The following LMTK3 variants were observed in gnomAD, a reference collection of about 807,000 sequenced individuals.
The protein encoded by LMTK3 is lemur tail kinase 3.
Under a neutral mutation model 116.7 loss-of-function variants are expected in LMTK3, and 27 were observed. The ratio of observed to expected loss-of-function variants is 0.23; its 90% CI spans 0.17 to 0.32. LMTK3 has a LOEUF of 0.32. LMTK3 is among the 10% of genes least tolerant of loss of function. The pLI is 1.00. For missense variants in LMTK3, 1,764 were observed against 2,068.5 expected (o/e 0.85, Z 2.86); for synonymous variants, 965 against 971.0 (o/e 0.99, Z 0.11).
intron 14 of LMTK3, among the ~76,000 whole-genome samples, chr19:48,490,542 A>AG: frequency 6.6e-6 from 1 of 151,870 alleles, no homozygotes; most frequent in East Asian, 1.9e-4. Context: ...AAAAAAAAAA[A>AG]AAAAAAATGA....
Position 48,486,128 on chromosome 19 carries a change from C to T in LMTK3, c.4367-339G>A, listed in dbSNP as rs12462735. Among the ~76,000 whole-genome samples the T allele has an allele frequency of 0.014, 1,838 of 129,518 alleles. 33 individuals carry two copies. In the Middle Eastern group the frequency reaches 0.16, roughly 11 times the overall value. 85.0% of individuals were successfully genotyped at this position (129,518 alleles called of 152,430 possible). A position where few individuals can be genotyped will look rare whatever the true frequency, so the allele number is the denominator to read the frequency against. ...AGGCTGGAGTGCAGTGGCGCGATCT[C>T]GGCTCACTGCAAGCTCCGCCTCCCG... On this transcript the variant is annotated intron_variant, in intron 14 of 14. Coordinates refer to ENST00000600059, the MANE Select transcript of LMTK3 (RefSeq NM_001388485.1).
At chr19:48,504,214 T>A (rs1231281788) in intron 5 of LMTK3, among the ~76,000 whole-genome samples, 1 of 152,006 alleles carries the variant, frequency 6.6e-6, no homozygotes, top group Non-Finnish European at 1.5e-5. Context: ...CTCATCAGAG[T>A]TCTCTTGGCC....
chr19:48,491,046 G>C lies in LMTK3; in HGVS notation c.4366+62C>G. 9.1e-7 allele frequency: 1 copy of C among 1,103,708 alleles called. No homozygotes were observed. Among genetic ancestry groups the C allele is most frequent in the Non-Finnish European group, 1.2e-6 (1 of 852,890 alleles). 68.4% of individuals were successfully genotyped at this position (1,103,708 alleles called of 1,614,324 possible). On this transcript the variant is annotated intron_variant, in intron 14 of 14. Coordinates refer to ENST00000600059, the MANE Select transcript of LMTK3 (RefSeq NM_001388485.1). This position sits in a 1 kb window ranked among gnomAD's most constrained non-coding sequence, Gnocchi z 5.1. ...CATTGAAAGATGGTCACAAGAAGTT[G>C]GCAGTGGAACATAGGGGGACAGAGA... is the stretch of plus-strand genomic sequence containing the variant.
chr19:48,501,698 C>T lies in LMTK3; in HGVS notation c.795-136G>A, dbSNP rs184723513. 103 of 878,112 alleles carry T rather than the reference C, an allele frequency of 1.2e-4. No individual in the cohort carries two copies. The East Asian group carries it at 2.7e-3, about 23-fold the overall frequency. The allele number at this position is 878,112 out of a possible 1,614,324, so 54.4% of individuals were successfully genotyped here. On this transcript the variant is annotated intron_variant, in intron 7 of 14. Coordinates refer to ENST00000600059, the MANE Select transcript of LMTK3 (RefSeq NM_001388485.1). ...ACTCTGCCCCTTCCCTCTGATCTGT[C>T]TCTCCCCTCTGACTGCTTTCACTCT... is the stretch of plus-strand genomic sequence containing the variant.
upstream of LMTK3, chr19:48,513,248 G>T (rs1972690877): frequency 3.9e-6 from 5 of 1,295,478 alleles, no homozygotes. This position sits in a 1 kb window ranked among gnomAD's most constrained non-coding sequence, Gnocchi z 5.6. Flanking sequence ...TATTTAGTCT[G>T]TGCCAGGTAT....
intron 7 of LMTK3, 107 bp downstream of exon 7, chr19:48,502,326 G>T (rs1972485309): frequency 4.5e-6 from 6 of 1,335,512 alleles, no homozygotes; most frequent in Non-Finnish European, 6.1e-6. Flanking sequence ...TCCCTATTTT[G>T]TGTCAGCCAG....
At chr19:48,493,567 T>C (rs1158920265) in intron 12 of LMTK3, 127 bp downstream of exon 12, 15 of 473,570 alleles carry the variant, frequency 3.2e-5, no homozygotes, top group South Asian at 2.2e-4. Context: ...CCCGCCCCAC[T>C]CCAGCTCCGC....
rs1466496361 is a variant in LMTK3, at chr19:48,491,349, GCCCCGTCCGCCCCATGGCTCCCGC to G, written c.4228+31_4228+54del. On this transcript the variant is annotated intron_variant, in intron 13 of 14. Coordinates refer to ENST00000600059, the MANE Select transcript of LMTK3 (RefSeq NM_001388485.1). This position sits in a 1 kb window ranked among gnomAD's most constrained non-coding sequence, Gnocchi z 5.1. The stretch of plus-strand genomic sequence containing the variant: ...AAGCCCCTCCCACCCCATAGACCCC[GCCCCGTCCGCCCCATGGCTCCCGC>G]CCCCTCCCGCCCCATAGGGCCCGTC... The G allele has an allele frequency of 3.2e-6, 1 of 316,896 alleles. No homozygotes were observed. The allele number at this position is 316,896 out of a possible 1,614,324, so 19.6% of individuals were successfully genotyped here.
chr19:48,493,645 G>A, intron 12 of LMTK3, 49 bp downstream of exon 12: 1 of 1,513,464 alleles, frequency 6.6e-7, no homozygotes, highest in Non-Finnish European at 8.9e-7. Flanking sequence ...CTAGGCTCCT[G>A]CTCCCTCCAG....
Position 48,497,596 on chromosome 19 carries a change from G to C in LMTK3, c.3473C>G (p.Pro1158Arg), listed in dbSNP as rs755504151. ...CGGGGGCGCTGGCTCCAGCCTCCTC[G>C]GCTGTGCCTCCGGTGGCGGTGGCAG... ...PPLPPPPEAQ[P>R]RRLEPAPPRA... Residue 1158 changes from proline to arginine, a missense_variant, in exon 11 of 15, where the codon CCG (proline) becomes CGG (arginine). By Grantham distance (103) the Pro-to-Arg change is moderately radical. Coordinates refer to ENST00000600059, the MANE Select transcript of LMTK3 (RefSeq NM_001388485.1). This position sits in a 1 kb window ranked among gnomAD's most constrained non-coding sequence, Gnocchi z 5.7. 54 of 1,320,928 alleles carry C rather than the reference G, an allele frequency of 4.1e-5. No homozygotes were observed. The highest frequency in any genetic ancestry group is 5.0e-5 in the Non-Finnish European group (52 of 1,036,076). The allele number at this position is 1,320,928 out of a possible 1,614,324, so 81.8% of individuals were successfully genotyped here.
chr19:48,506,019 G>A (rs946623996), intron 5 of LMTK3, among the ~76,000 whole-genome samples: 5 of 151,892 alleles, frequency 3.3e-5, no homozygotes, highest in African/African-American at 1.2e-4. Flanking sequence ...GTGGGCGCCT[G>A]TAATCGCAGC....
chr19:48,499,038 G>C lies in LMTK3; in HGVS notation c.2031C>G (p.Ala677=), dbSNP rs1233846926. 3 of 1,494,016 alleles carry C rather than the reference G, an allele frequency of 2.0e-6. No individual in the cohort carries two copies. The highest frequency in any genetic ancestry group is 2.7e-6 in the Non-Finnish European group (3 of 1,123,268). 92.5% of individuals were successfully genotyped at this position (1,494,016 alleles called of 1,614,324 possible). The change falls in exon 11 of 15, where the codon GCC becomes GCG. Residue 677 remains alanine (A), a synonymous_variant. Transcript: ENST00000600059. ...CCCGCTCCAGTGGCAGGCAGGAGCA[G>C]GCCCCCTCGCGGCTGCACAGGGGAC... The part of the protein sequence containing the change: ...LPCPLCSREG[A]CSCLPLERGD...
At chr19:48,502,875 C>T (rs1233246951) in intron 6 of LMTK3, 34 bp downstream of exon 6, 2 of 1,516,698 alleles carry the variant, frequency 1.3e-6, no homozygotes, top group South Asian at 1.1e-5. Flanking sequence ...CCAGCTGCCC[C>T]CTCTGCCCTT....
In LMTK3 at chr19:48,499,031, A is replaced by C; in HGVS notation, c.2038T>G (p.Cys680Gly). 1 of 1,470,346 alleles carries C rather than the reference A, an allele frequency of 6.8e-7. No individual in the cohort carries two copies. Among genetic ancestry groups the C allele is most frequent in the Non-Finnish European group, 9.0e-7 (1 of 1,110,654 alleles). The allele number at this position is 1,470,346 out of a possible 1,614,324, so 91.1% of individuals were successfully genotyped here. A position where few individuals can be genotyped will look rare whatever the true frequency, so the allele number is the denominator to read the frequency against. The change falls in exon 11 of 15, where the codon TGC becomes GGC. Residue 680 changes from cysteine (C) to glycine (G), a missense_variant. Cys to Gly is a radical substitution (Grantham distance 159). Transcript: ENST00000600059. ...PLCSREGACS[C>G]LPLERGDAVA... ...GCGTCCCCCCGCTCCAGTGGCAGGC[A>C]GGAGCAGGCCCCCTCGCGGCTGCAC...
In LMTK3 at chr19:48,509,937, C is replaced by A; in HGVS notation, c.361+86G>T. 2.7e-6 allele frequency: 4 copies of A among 1,482,100 alleles called. No homozygotes were observed. The South Asian group carries it at 3.8e-5, about 14-fold the overall frequency. The allele number at this position is 1,482,100 out of a possible 1,614,324, so 91.8% of individuals were successfully genotyped here. A position where few individuals can be genotyped will look rare whatever the true frequency, so the allele number is the denominator to read the frequency against. On this transcript the variant is annotated intron_variant, in intron 3 of 14. Coordinates refer to ENST00000600059, the MANE Select transcript of LMTK3 (RefSeq NM_001388485.1). ...CCCATTGGCTGCCGCTGGTCTCAAC[C>A]GCCCCAGCCCCTGAAGGAACACACT...
At chr19:48,487,057 C>G (rs1972137993) in intron 14 of LMTK3, among the ~76,000 whole-genome samples, 1 of 128,310 alleles carries the variant, frequency 7.8e-6, no homozygotes, top group Non-Finnish European at 1.6e-5. Flanking sequence ...TTTTTTAAGA[C>G]AGAGTCTTAT....
At chr19:48,509,547 T>C (rs1972623837) in intron 3 of LMTK3, 34 bp from the exon 4 acceptor site, 2 of 1,517,170 alleles carry the variant, frequency 1.3e-6, no homozygotes, top group East Asian at 4.9e-5. Context: ...CCCCTGAGTC[T>C]CTCCCCCTTC....
Position 48,498,144 on chromosome 19 carries a change from C to G in LMTK3, c.2925G>C (p.Glu975Asp). The change falls in exon 11 of 15, where the codon GAG (glutamate) becomes GAC (aspartate). Residue 975 changes from glutamate (E) to aspartate (D), a missense_variant. By Grantham distance (45) the Glu-to-Asp change is conservative. This residue lies in a region of LMTK3 where 1,028 missense variants were observed against 1,050.6 expected (regional missense o/e 0.98). Transcript: ENST00000600059. ...CCTCTGGGGACCTCAGCTCCCCATTCTCCAGCGCTTTCTCCTCCCTCCTTG... is the reference window on the plus strand; with the variant it reads ...CCTCTGGGGACCTCAGCTCCCCATTGTCCAGCGCTTTCTCCTCCCTCCTTG... Reference protein sequence around the residue: ...TPPRREEKALENGELRSPEAG... With the variant: ...TPPRREEKALDNGELRSPEAG... 11 of 1,613,788 alleles carry G rather than the reference C, an allele frequency of 6.8e-6. No individual in the cohort carries two copies. Among genetic ancestry groups the G allele is most frequent in the Non-Finnish European group, 9.3e-6 (11 of 1,179,840 alleles).
Position 48,502,542 on chromosome 19 carries a change from CG to C in LMTK3, c.684del (p.Glu229ArgfsTer46). 2 of 1,585,972 alleles carry C rather than the reference CG, an allele frequency of 1.3e-6. No individual in the cohort carries two copies. The highest frequency in any genetic ancestry group is 1.7e-6 in the Non-Finnish European group (2 of 1,167,332). On this transcript the variant is annotated frameshift_variant, in exon 7 of 15. Transcript: ENST00000600059. LOFTEE classifies it high-confidence loss of function. ...LKRYLRAQRP[P>X]EGLSPELPPR... ...GGGGGTAGCTCAGGGGACAGGCCCT[CG>C]GGGGGCCGCTGGGCTCGGAGGTAAC...
Sources: allele counts gnomAD v4.1 joint callset (sites outside exome capture counted in the v4.1 genomes callset), GRCh38; gene constraint gnomAD v4.1.1; regional missense constraint gnomAD v4.1.1; non-coding constraint Gnocchi (gnomAD v3.1); transcripts MANE v1.5; gene names NCBI Gene and HGNC (gene_info 2026-07-23, HGNC 2026-07-21).